GNG7: variants seen among roughly 807,000 people sequenced by gnomAD.
The protein encoded by GNG7 is G protein subunit gamma 7.
A neutral mutation model predicts 4.0 loss-of-function variants in GNG7; 1 was observed. That is an observed-to-expected ratio of 0.25 (90% CI 0.09 to 1.18). GNG7 has a LOEUF of 1.18. GNG7 is among the 50% of genes most tolerant of loss of function. GNG7 has a pLI of 0.50. For synonymous variants in GNG7, 34 were observed against 36.9 expected (o/e 0.92, Z 0.29); for missense variants, 86 against 91.9 (o/e 0.94, Z 0.26).
Position 2,659,304 on chromosome 19 carries a change from C to T in GNG7, c.-134-13024G>A, listed in dbSNP as rs188422558. On this transcript the variant is annotated intron_variant, in intron 1 of 4. Transcript: ENST00000382159. ...TTAAATAAAGGAGAGGAGGGCCGGG[C>T]GCGGTGGCTCACGTCTGTCATCCCA... 2.8e-3 allele frequency among the ~76,000 whole-genome samples: 398 copies of T among 144,222 alleles called. 2 individuals carry two copies. Among genetic ancestry groups the T allele is most frequent in the African/African-American group, 9.4e-3 (376 of 40,138 alleles). 94.6% of individuals were successfully genotyped at this position (144,222 alleles called of 152,430 possible).
At chr19:2,673,916 T>C (rs1021885444) in intron 1 of GNG7, among the ~76,000 whole-genome samples, 24 of 152,156 alleles carry the variant, frequency 1.6e-4, no homozygotes, top group African/African-American at 5.8e-4. Context: ...GATAATTTGT[T>C]ACACAGAATT....
At chr19:2,662,154 G>C (rs1983195817) in intron 1 of GNG7, among the ~76,000 whole-genome samples, 1 of 151,830 alleles carries the variant, frequency 6.6e-6, no homozygotes, top group African/African-American at 2.4e-5. Context: ...CAGCTACTCA[G>C]GAGGCTGAGG....
intron 1 of GNG7, among the ~76,000 whole-genome samples, chr19:2,648,217 T>C (rs1207145829): frequency 6.6e-6 from 1 of 151,598 alleles, no homozygotes; most frequent in Admixed American, 6.6e-5. Context: ...CAAGACCCCA[T>C]CTGCCATCTC....
chr19:2,538,076 C>CAAA, intron 3 of GNG7: 3 of 433,366 alleles, frequency 6.9e-6, no homozygotes, highest in Non-Finnish European at 1.4e-5. Flanking sequence ...GACTCTCTCT[C>CAAA]AAACAAAACA....
At chr19:2,685,549 C>T (rs182936884) in intron 1 of GNG7, among the ~76,000 whole-genome samples, 2 of 152,180 alleles carry the variant, frequency 1.3e-5, no homozygotes, top group Admixed American at 1.3e-4. Context: ...GGCTGGAACC[C>T]AGGAGGCAGA....
At chr19:2,538,038 C>T (rs1978802328) in intron 3 of GNG7, 2 of 425,762 alleles carry the variant, frequency 4.7e-6, no homozygotes, top group Non-Finnish European at 9.5e-6. Context: ...GATTGCGCCA[C>T]TGCCCTCCAG....
At chr19:2,678,740 T>A (rs1983656424) in intron 1 of GNG7, among the ~76,000 whole-genome samples, 3 of 151,880 alleles carry the variant, frequency 2.0e-5, no homozygotes, top group African/African-American at 7.3e-5. Flanking sequence ...GGTAACTACT[T>A]CTCTCAAGGG....
chr19:2,700,274 T>G (rs763418178), intron 1 of GNG7, among the ~76,000 whole-genome samples: 1 of 152,066 alleles, frequency 6.6e-6, no homozygotes, highest in Non-Finnish European at 1.5e-5. Flanking sequence ...CCCAAGTAGC[T>G]GGGATTACAG....
At position 2,675,662 on chromosome 19, in the gene GNG7, A is replaced by G. The variant is rs79454628; in HGVS notation, c.-135+26984T>C. On this transcript the variant is annotated intron_variant, in intron 1 of 4. Coordinates refer to ENST00000382159, the MANE Select transcript of GNG7 (RefSeq NM_052847.3). ...ACAAAGAAAAACATATGAAAACAGA[A>G]AAGATATTCCCGACACTTGGGGGTC... 9.7e-3 allele frequency among the ~76,000 whole-genome samples: 1,482 copies of G among 152,220 alleles called. 24 individuals carry two copies. The highest frequency in any genetic ancestry group is 0.034 in the African/African-American group (1,417 of 41,530).
Position 2,513,037 on chromosome 19 carries a change from C to A in GNG7, c.*1985G>T, listed in dbSNP as rs1972678006. On this transcript the variant is annotated 3_prime_UTR_variant, in exon 5 of 5. Coordinates refer to ENST00000382159, the MANE Select transcript of GNG7 (RefSeq NM_052847.3). ...CCCCGAAGCCCCAGCCCTCCCGGAC[C>A]TGCCGTAGAGAGCTGGGTGCCGGGG... The A allele has an allele frequency of 2.0e-6, 2 of 985,396 alleles. No individual in the cohort carries two copies. Among genetic ancestry groups the A allele is most frequent in the South Asian group, 4.7e-5 (1 of 21,298 alleles). 61.0% of individuals were successfully genotyped at this position (985,396 alleles called of 1,614,324 possible). A position where few individuals can be genotyped will look rare whatever the true frequency, so the allele number is the denominator to read the frequency against.
intron 2 of GNG7, among the ~76,000 whole-genome samples, chr19:2,582,628 G>T (rs1260726090): frequency 6.7e-6 from 1 of 148,280 alleles, no homozygotes; most frequent in African/African-American, 2.5e-5. Context: ...GACTACAGGT[G>T]CATGCCACCA....
chr19:2,549,533 C>T lies in GNG7; in HGVS notation c.-38+5616G>A, dbSNP rs576759860. Among the ~76,000 whole-genome samples the T allele has an allele frequency of 8.5e-5, 13 of 152,244 alleles. No homozygotes were observed. In the South Asian group the frequency reaches 2.3e-3, roughly 27 times the overall value. ...CTTGAACTCCTGACCTTGTGATCCA[C>T]GTGTCTCGGCCTCCCAAAGTGCTGG... On this transcript the variant is annotated intron_variant, in intron 3 of 4. Coordinates refer to ENST00000382159, the MANE Select transcript of GNG7 (RefSeq NM_052847.3).
chr19:2,540,489 G>T (rs947743309), intron 3 of GNG7, among the ~76,000 whole-genome samples: 1 of 152,310 alleles, frequency 6.6e-6, no homozygotes, highest in Admixed American at 6.5e-5. Flanking sequence ...CCCTTAGCCC[G>T]ACGGCGTGCC....
At chr19:2,694,495 C>T (rs1173207669) in intron 1 of GNG7, among the ~76,000 whole-genome samples, 5 of 151,176 alleles carry the variant, frequency 3.3e-5, no homozygotes, top group Non-Finnish European at 5.9e-5. Context: ...GAGAACAATC[C>T]GGTCCCCCCT....
intron 4 of GNG7, among the ~76,000 whole-genome samples, chr19:2,517,912 G>A (rs1158291645): frequency 6.6e-6 from 1 of 152,208 alleles, no homozygotes; most frequent in East Asian, 1.9e-4. Context: ...CAGCTTTGGG[G>A]TCTTGCCCAG....
intron 2 of GNG7, among the ~76,000 whole-genome samples, chr19:2,566,868 C>T (rs1489429924): frequency 3.3e-5 from 5 of 151,984 alleles, no homozygotes; most frequent in South Asian, 2.1e-4. Flanking sequence ...TTTGGGAGGC[C>T]GAGGCAGGCG....
At chr19:2,516,111 G>T (rs115102578) in intron 4 of GNG7, among the ~76,000 whole-genome samples, 1 of 151,904 alleles carries the variant, frequency 6.6e-6, no homozygotes, top group South Asian at 2.1e-4. Context: ...CAGCTAACTG[G>T]GGGGCTGAGG....
intron 2 of GNG7, among the ~76,000 whole-genome samples, chr19:2,578,322 G>C (rs964579279): frequency 2.6e-5 from 4 of 152,122 alleles, no homozygotes; most frequent in African/African-American, 9.7e-5. Flanking sequence ...CCAGAGGACC[G>C]AGGGCAGCCT....
Position 2,624,482 on chromosome 19 carries a change from G to C in GNG7, c.-78+21742C>G, listed in dbSNP as rs370418284. ...GGAGGCGGAGCTTGCAGTGAGCCGA[G>C]ATTGTGCCACTTAACTCCAGCCTGG... On this transcript the variant is annotated intron_variant, in intron 2 of 4. Transcript: ENST00000382159. 8.0e-5 allele frequency among the ~76,000 whole-genome samples: 11 copies of C among 138,288 alleles called. No individual in the cohort carries two copies. In the East Asian group the frequency reaches 1.6e-3, roughly 20 times the overall value. 90.7% of individuals were successfully genotyped at this position (138,288 alleles called of 152,430 possible). A position where few individuals can be genotyped will look rare whatever the true frequency, so the allele number is the denominator to read the frequency against.
Sources: allele counts gnomAD v4.1 joint callset (sites outside exome capture counted in the v4.1 genomes callset), GRCh38; gene constraint gnomAD v4.1.1; transcripts MANE v1.5; gene names NCBI Gene and HGNC (gene_info 2026-07-23, HGNC 2026-07-21).